Variants in CES5A observed in about 807,000 individuals in gnomAD.
CES5A encodes carboxylesterase 5.
Under a neutral mutation model 62.9 loss-of-function variants are expected in CES5A, and 67 were observed. That is an observed-to-expected ratio of 1.07 (90% CI 0.88 to 1.31). The LOEUF is 1.31. CES5A is among the 50% of genes most tolerant of loss of function. The pLI is 0.00. For missense variants in CES5A, 748 were observed against 708.5 expected (o/e 1.06, Z -0.63); for synonymous variants, 296 against 280.8 (o/e 1.05, Z -0.54).
chr16:55,931,607 C>T (rs2034312750), intron 2 of CES5A, among the ~76,000 whole-genome samples: 1 of 152,160 alleles, frequency 6.6e-6, no homozygotes. Context: ...TTATGCATGC[C>T]ACTTCTCCTT....
In CES5A at chr16:55,950,820, G is replaced by A. The variant is rs16955891; in HGVS notation, c.43-918C>T. Among the ~76,000 whole-genome samples the A allele has an allele frequency of 6.6e-3, 1,002 of 150,926 alleles. 15 individuals are homozygous for A. Among genetic ancestry groups the A allele is most frequent in the African/African-American group, 0.024 (968 of 41,098 alleles). ...TAAGTAAATAAAAAGACCCACACTT[G>A]GCCGGGCACGGGTGGCTCAAGCCTG... On this transcript the variant is annotated intron_variant, in intron 1 of 13. Transcript: ENST00000521992.
At chr16:55,895,377 G>C (rs1314834304) in intron 1 of CES5A, among the ~76,000 whole-genome samples, 1 of 152,250 alleles carries the variant, frequency 6.6e-6, no homozygotes, top group African/African-American at 2.4e-5. Context: ...TCCACGGGGG[G>C]CAGTACTGCC....
Position 55,857,262 on chromosome 16 carries a change from C to T in CES5A, c.1057-817G>A, listed in dbSNP as rs556137685. Among the ~76,000 whole-genome samples, 8 of 152,258 alleles carry T rather than the reference C, an allele frequency of 5.3e-5. No individual in the cohort carries two copies. In the South Asian group the frequency reaches 1.5e-3, roughly 28 times the overall value. On this transcript the variant is annotated intron_variant, in intron 8 of 12. Coordinates refer to ENST00000290567, the MANE Select transcript of CES5A (RefSeq NM_001143685.2). ...TGGAGTTTGCAACAAGTACCTCCCG[C>T]GAGGGTGGTGATGAGAACTGAGCGA... is the stretch of plus-strand genomic sequence containing the variant.
chr16:55,951,103 C>CAAAAAAAAAAAAAAAAAAAAAAA (rs55951124), intron 1 of CES5A, among the ~76,000 whole-genome samples: 2 of 44,378 alleles, frequency 4.5e-5, no homozygotes, highest in African/African-American at 1.2e-4. Context: ...GACTCCATCT[C>CAAAAAAAAAAAAAAAAAAAAAAA]AAAAAAAAAA....
chr16:55,869,885 GC>G, intron 3 of CES5A, 141 bp from the exon 4 acceptor site: 3 of 1,230,292 alleles, frequency 2.4e-6, no homozygotes, highest in Non-Finnish European at 2.2e-6. Context: ...TTTGAAGAAG[GC>G]CCAGGGTTAA....
intron 5 of CES5A, 60 bp from the exon 6 acceptor site, chr16:55,863,512 C>A: frequency 1.2e-6 from 1 of 858,224 alleles, no homozygotes; most frequent in Admixed American, 1.7e-5. Context: ...ACATACCATT[C>A]ATCCCTCTTC....
chr16:55,923,370 T>C (rs74376246), intron 1 of CES5A, among the ~76,000 whole-genome samples: 1 of 151,614 alleles, frequency 6.6e-6, no homozygotes, highest in South Asian at 2.1e-4. Context: ...AAAAAGATTA[T>C]AAGAAACTAG....
chr16:55,937,907 A>G (rs560008835), intron 2 of CES5A, among the ~76,000 whole-genome samples: 28 of 152,296 alleles, frequency 1.8e-4, no homozygotes, highest in Non-Finnish European at 3.2e-4. Context: ...TGCCTCATCT[A>G]TGTGCCAAAA....
In CES5A at chr16:55,846,546, G is replaced by C; in HGVS notation, c.1633C>G (p.Leu545Val). The C allele has an allele frequency of 6.2e-7, 1 of 1,614,164 alleles. No individual in the cohort carries two copies. The highest frequency in any genetic ancestry group is 8.5e-7 in the Non-Finnish European group (1 of 1,180,008). ...AGCATGTCGGAGGCAGACAGGATCAGGGGGATGGTGCTGGTCCAAAAATCC... is the reference window on the plus strand; with the variant it reads ...AGCATGTCGGAGGCAGACAGGATCACGGGGATGGTGCTGGTCCAAAAATCC... ...RVDFWTSTIP[L>V]ILSASDMLHS... Residue 545 changes from leucine to valine, a missense_variant, in exon 13 of 13, where the codon CTG becomes GTG. Coordinates refer to ENST00000290567, the MANE Select transcript of CES5A (RefSeq NM_001143685.2).
At chr16:55,944,271 T>C in intron 2 of CES5A, 2 of 606,570 alleles carry the variant, frequency 3.3e-6, no homozygotes, top group Non-Finnish European at 5.9e-6. Flanking sequence ...AAAATGGAGT[T>C]AATGGCCCCT....
chr16:55,876,576 A>G (rs28493887), upstream of CES5A, among the ~76,000 whole-genome samples: 27,882 of 152,136 alleles, frequency 0.18, 2,825 homozygotes, highest in Non-Finnish European at 0.23. Flanking sequence ...TCCTAAAGGG[A>G]TACAGCGATG....
intron 5 of CES5A, among the ~76,000 whole-genome samples, chr16:55,864,064 A>G (rs1417775967): frequency 2.0e-5 from 3 of 152,100 alleles, no homozygotes; most frequent in African/African-American, 7.2e-5. Flanking sequence ...TAATATTTCT[A>G]AGTATCGGTT....
chr16:55,949,854 A>G, exon 2 of CES5A: 1 of 1,528,490 alleles, frequency 6.5e-7, no homozygotes, highest in South Asian at 1.2e-5. Flanking sequence ...GCTGGATAAA[A>G]ATAGTAAACC....
At position 55,849,700 on chromosome 16, in the gene CES5A, A is replaced by G. The variant is rs1205517602; in HGVS notation, c.1347T>C (p.Phe449=). 5.6e-6 allele frequency: 9 copies of G among 1,613,852 alleles called. No homozygotes were observed. Among genetic ancestry groups the G allele is most frequent in the South Asian group, 1.1e-5 (1 of 91,082 alleles). The change falls in exon 11 of 13, where the codon TTT becomes TTC. Residue 449 remains phenylalanine, a synonymous_variant. Coordinates refer to ENST00000290567, the MANE Select transcript of CES5A (RefSeq NM_001143685.2). The part of the protein sequence containing the change: ...PQCFEDTKPA[F]VKADHADEVR... ...CTTCATCAGCGTGGTCGGCTTTGAC[A>G]AAAGCTGGCTTCGTGTCTTCAAAGC...
chr16:55,919,880 T>A (rs1464358786), intron 1 of CES5A, among the ~76,000 whole-genome samples: 2 of 152,172 alleles, frequency 1.3e-5, no homozygotes, highest in African/African-American at 4.8e-5. Flanking sequence ...AAATACAGTG[T>A]GTCCTTCCAG....
chr16:55,853,514 T>C (rs1819828), intron 9 of CES5A, among the ~76,000 whole-genome samples: 19,807 of 152,210 alleles, frequency 0.13, 3,029 homozygotes, highest in African/African-American at 0.35. Flanking sequence ...ACCAGCCCTG[T>C]TCCTGGTACC....
intron 5 of CES5A, 104 bp downstream of exon 5, chr16:55,865,859 G>C (rs2033445602): frequency 2.4e-6 from 3 of 1,274,480 alleles, no homozygotes; most frequent in African/African-American, 3.0e-5. Context: ...GTGTATTAAA[G>C]GGTTTGTTCA....
chr16:55,871,779 GAGAAAACCCTC>G lies in CES5A; in HGVS notation c.279-27_279-17del. ...CTGGAGGCACCTTGGAGAAGGAGAG[GAGAAAACCCTC>G]AGAAAAAGTTATCAGCAAACTTGCC... On this transcript the variant is annotated splice_polypyrimidine_tract_variant and intron_variant, in intron 2 of 12. Transcript: ENST00000290567. 6.2e-7 allele frequency: 1 copy of G among 1,612,240 alleles called. No individual in the cohort carries two copies. Among genetic ancestry groups the G allele is most frequent in the African/African-American group, 1.3e-5 (1 of 75,008 alleles).
intron 1 of CES5A, among the ~76,000 whole-genome samples, chr16:55,912,840 C>CA (rs1285603369): frequency 6.6e-6 from 1 of 152,090 alleles, no homozygotes; most frequent in Non-Finnish European, 1.5e-5. Flanking sequence ...GAGGTGAAGA[C>CA]AAAAAGGGCT....
Sources: allele counts gnomAD v4.1 joint callset (sites outside exome capture counted in the v4.1 genomes callset), GRCh38; gene constraint gnomAD v4.1.1; transcripts MANE v1.5; gene names NCBI Gene and HGNC (gene_info 2026-07-23, HGNC 2026-07-21).